Variants in OR6N1 observed in about 807,000 individuals in gnomAD.
The protein encoded by OR6N1 is olfactory receptor 6N1.
For synonymous variants in OR6N1, 170 were observed against 150.7 expected, an observed-to-expected ratio of 1.13 and a Z score of -0.94; for missense variants, 394 against 371.7, an observed-to-expected ratio of 1.06 and a Z score of -0.49.
chr1:158,833,032 C>T, the OR6N1 span, among the ~76,000 whole-genome samples: 31 of 152,196 alleles, frequency 2.0e-4, no homozygotes, highest in South Asian at 6.2e-3. Flanking sequence ...TAAAGACAAG[C>T]CCCTTAGCAA....
chr1:158,825,834 C>T, the OR6N1 span, among the ~76,000 whole-genome samples: 3 of 152,252 alleles, frequency 2.0e-5, no homozygotes, highest in East Asian at 1.9e-4. Context: ...ATATGTTCAT[C>T]GCAGCACTAT....
At chr1:158,788,307 C>T in the OR6N1 span, among the ~76,000 whole-genome samples, 1 of 152,122 alleles carries the variant, frequency 6.6e-6, no homozygotes, top group East Asian at 1.9e-4. Context: ...TCTCATCTAT[C>T]TTGTTTCTGT....
the OR6N1 span, among the ~76,000 whole-genome samples, chr1:158,806,600 C>A: frequency 1.3e-5 from 2 of 152,244 alleles, no homozygotes; most frequent in Admixed American, 6.5e-5. Flanking sequence ...GTGGTGTAAG[C>A]ACTATACTGT....
the OR6N1 span, among the ~76,000 whole-genome samples, chr1:158,779,030 AAAG>A: frequency 4.6e-5 from 7 of 151,488 alleles, no homozygotes; most frequent in Admixed American, 4.6e-4. Flanking sequence ...AAAAAAAAAA[AAAG>A]AATGCAGATT....
At chr1:158,805,250 G>A in the OR6N1 span, among the ~76,000 whole-genome samples, 2 of 152,202 alleles carry the variant, frequency 1.3e-5, no homozygotes, top group African/African-American at 2.4e-5. Flanking sequence ...TGAATGGTCT[G>A]ATTATGCTGC....
chr1:158,783,299 C>T, the OR6N1 span, among the ~76,000 whole-genome samples: 4 of 152,178 alleles, frequency 2.6e-5, no homozygotes, highest in Non-Finnish European at 5.9e-5. Context: ...TCTACTTGTA[C>T]GTTGAAGTGC....
the OR6N1 span, among the ~76,000 whole-genome samples, chr1:158,813,132 G>A: frequency 1.3e-5 from 2 of 152,308 alleles, no homozygotes; most frequent in South Asian, 4.1e-4. Flanking sequence ...TGTTGGAGAG[G>A]CTGCAAGGAG....
chr1:158,831,295 G>T, the OR6N1 span: 4 of 152,204 alleles, frequency 2.6e-5, no homozygotes, highest in Non-Finnish European at 4.4e-5. Context: ...GCTGATAGGC[G>T]TGGCTTCAAA....
chr1:158,777,041 C>T (rs750218253), upstream of OR6N1: 1 of 1,614,042 alleles, frequency 6.2e-7, no homozygotes, highest in African/African-American at 1.3e-5. Flanking sequence ...ATGGCAAAGT[C>T]CACCAGAATG....
the OR6N1 span, among the ~76,000 whole-genome samples, chr1:158,816,309 T>C: frequency 3.3e-5 from 5 of 152,280 alleles, 1 homozygote; most frequent in South Asian, 6.2e-4. Flanking sequence ...GTTAATCACT[T>C]TGTATGTTTT....
At chr1:158,783,681 CTCT>C in the OR6N1 span, among the ~76,000 whole-genome samples, 5 of 152,146 alleles carry the variant, frequency 3.3e-5, no homozygotes, top group African/African-American at 1.2e-4. Flanking sequence ...GTTTATTTCT[CTCT>C]TTTCACCAAT....
At chr1:158,790,700 G>T in the OR6N1 span, among the ~76,000 whole-genome samples, 1 of 152,102 alleles carries the variant, frequency 6.6e-6, no homozygotes, top group African/African-American at 2.4e-5. Flanking sequence ...CACTGCGCCG[G>T]GCCTTTGATA....
Position 158,764,295 on chromosome 1 carries a change from A to T in OR6N1, c.*1449T>A, listed in dbSNP as rs961126653. 3 of 151,372 alleles carry T rather than the reference A, an allele frequency of 2.0e-5. No homozygotes were observed. The highest frequency in any genetic ancestry group is 4.4e-5 in the Non-Finnish European group (3 of 67,804). 9.4% of individuals were successfully genotyped at this position (151,372 alleles called of 1,614,324 possible). A position where few individuals can be genotyped will look rare whatever the true frequency, so the allele number is the denominator to read the frequency against. On this transcript the variant is annotated 3_prime_UTR_variant, in exon 2 of 2. Coordinates refer to ENST00000641846, the MANE Select transcript of OR6N1 (RefSeq NM_001005185.2). ...TTAAAATTCTCAATAAACTTCAAAGACAAGTGAAAAAAAAGGAGAATGCAT... is the reference window on the plus strand; with the variant it reads ...TTAAAATTCTCAATAAACTTCAAAGTCAAGTGAAAAAAAAGGAGAATGCAT...
the OR6N1 span, among the ~76,000 whole-genome samples, chr1:158,793,636 T>A: frequency 6.6e-6 from 1 of 152,184 alleles, no homozygotes; most frequent in African/African-American, 2.4e-5. Context: ...AGGTTCACTG[T>A]CTCCTGTGGG....
the OR6N1 span, among the ~76,000 whole-genome samples, chr1:158,786,131 A>G: frequency 6.6e-6 from 1 of 152,228 alleles, no homozygotes; most frequent in Non-Finnish European, 1.5e-5. Flanking sequence ...TAATATCCAG[A>G]ATCTACAAGG....
Position 158,766,175 on chromosome 1 carries a change from C to A in OR6N1, c.508G>T (p.Gly170Cys). ...ISLISRLPFCGPNRIQHVFCD... is the reference protein window; with the variant it reads ...ISLISRLPFCCPNRIQHVFCD... ...AAGACGTGCTGAATGCGATTGGGGC[C>A]ACAGAATGGGAGGCGTGAAATCAAG... Residue 170 changes from glycine to cysteine, a missense_variant, in exon 2 of 2, where the codon GGC (glycine) becomes TGC (cysteine). Gly to Cys is a radical substitution (Grantham distance 159, BLOSUM62 -3). Coordinates refer to ENST00000641846, the MANE Select transcript of OR6N1 (RefSeq NM_001005185.2). 1 of 1,614,096 alleles carries A rather than the reference C, an allele frequency of 6.2e-7. No homozygotes were observed.
At chr1:158,781,951 G>A in the OR6N1 span, among the ~76,000 whole-genome samples, 6 of 152,172 alleles carry the variant, frequency 3.9e-5, no homozygotes, top group Non-Finnish European at 8.8e-5. Flanking sequence ...TTAATAAAGT[G>A]TCCAACATCA....
chr1:158,808,456 C>A, the OR6N1 span: 1 of 153,180 alleles, frequency 6.5e-6, no homozygotes, highest in Non-Finnish European at 1.5e-5. Flanking sequence ...TCTTCACCTC[C>A]TTGTTGCGAA....
chr1:158,837,863 C>T, the OR6N1 span, among the ~76,000 whole-genome samples: 1 of 149,178 alleles, frequency 6.7e-6, no homozygotes, highest in Non-Finnish European at 1.5e-5. Flanking sequence ...TCTTCTATTC[C>T]TTTGTGTACA....
Sources: gnomAD v4.1 joint callset for allele counts (sites outside exome capture counted in the v4.1 genomes callset) on GRCh38, gnomAD v4.1.1 for gene constraint, MANE v1.5 for transcripts, NCBI Gene and HGNC (gene_info 2026-07-23, HGNC 2026-07-21) for gene names.